FBXL17: variants seen among roughly 807,000 people sequenced by gnomAD.
FBXL17 encodes F-box/LRR-repeat protein 17.
Under a neutral mutation model 66.2 loss-of-function variants are expected in FBXL17, and 22 were observed. That is an observed-to-expected ratio of 0.33 (90% CI 0.24 to 0.47). The LOEUF (loss-of-function observed/expected upper bound fraction) is 0.47, where lower values mean the gene tolerates loss of function less well. Among genes scored for constraint, FBXL17 ranks in the 20% least tolerant of loss-of-function variants. FBXL17 has a pLI of 1.00. For missense variants in FBXL17, 878 were observed against 948.2 expected (o/e 0.93, Z 0.97); for synonymous variants, 474 against 400.5 (o/e 1.18, Z -2.19).
intron 6 of FBXL17, among the ~76,000 whole-genome samples, chr5:108,149,145 A>C (rs1383601449): frequency 3.3e-5 from 5 of 152,224 alleles, no homozygotes; most frequent in Non-Finnish European, 7.3e-5. Flanking sequence ...TGTCTCTTGT[A>C]GGATGACAAT....
intron 7 of FBXL17, chr5:108,020,711 T>G (rs1754563560): frequency 4.6e-6 from 2 of 431,960 alleles, no homozygotes; most frequent in Non-Finnish European, 8.4e-6. Context: ...CATGTGTGTG[T>G]GATTGCATGT....
At chr5:108,132,297 G>A (rs1750967709) in intron 6 of FBXL17, among the ~76,000 whole-genome samples, 1 of 152,054 alleles carries the variant, frequency 6.6e-6, no homozygotes, top group Admixed American at 6.6e-5. Context: ...TTTAAGAAAT[G>A]CAAAAGTGTG....
chr5:108,325,616 T>C (rs1354675070), intron 4 of FBXL17, among the ~76,000 whole-genome samples: 3 of 152,130 alleles, frequency 2.0e-5, no homozygotes, highest in Non-Finnish European at 2.9e-5. Context: ...CCATCTATAA[T>C]AGAGCTTAAA....
intron 5 of FBXL17, among the ~76,000 whole-genome samples, chr5:108,203,387 C>T (rs1047459763): frequency 2.6e-5 from 4 of 151,908 alleles, no homozygotes; most frequent in Non-Finnish European, 5.9e-5. Context: ...GCGTTGCTGG[C>T]CTTGGCAAAC....
intron 6 of FBXL17, among the ~76,000 whole-genome samples, chr5:108,023,374 G>C (rs567558396): frequency 3.3e-5 from 5 of 152,224 alleles, no homozygotes; most frequent in Admixed American, 3.3e-4. Flanking sequence ...ACACAAAATT[G>C]AGTGGTTGAA....
chr5:108,249,587 C>A (rs1362735322), intron 4 of FBXL17, among the ~76,000 whole-genome samples: 1 of 152,072 alleles, frequency 6.6e-6, no homozygotes, highest in Non-Finnish European at 1.5e-5. Context: ...AAAGGCCATA[C>A]ACTTGTATAA....
At chr5:108,309,961 T>A (rs549959631) in intron 4 of FBXL17, among the ~76,000 whole-genome samples, 1 of 152,158 alleles carries the variant, frequency 6.6e-6, no homozygotes, top group African/African-American at 2.4e-5. Flanking sequence ...TCTGTTTAAA[T>A]TATGTTAGAT....
intron 4 of FBXL17, among the ~76,000 whole-genome samples, chr5:108,329,697 C>T (rs1486484886): frequency 6.6e-6 from 1 of 152,096 alleles, no homozygotes; most frequent in African/African-American, 2.4e-5. Flanking sequence ...TATAAAATAG[C>T]TTCTTTAACT....
intron 7 of FBXL17, among the ~76,000 whole-genome samples, chr5:107,937,380 G>A (rs1378329342): frequency 6.6e-6 from 1 of 152,028 alleles, no homozygotes; most frequent in Non-Finnish European, 1.5e-5. Flanking sequence ...TTGTCCTCTG[G>A]GAAACTCCAC....
chr5:108,330,368 G>T (rs1007187542), intron 4 of FBXL17, among the ~76,000 whole-genome samples: 1 of 151,974 alleles, frequency 6.6e-6, no homozygotes, highest in African/African-American at 2.4e-5. Flanking sequence ...AAAATTATTT[G>T]ATATTGTTTT....
chr5:108,298,315 CAGAA>C, intron 4 of FBXL17: 1 of 984,444 alleles, frequency 1.0e-6, no homozygotes, highest in Non-Finnish European at 1.2e-6. Flanking sequence ...CTAAATAAAA[CAGAA>C]AGCACTGAGA....
At chr5:108,130,727 A>G (rs930885712) in intron 6 of FBXL17, among the ~76,000 whole-genome samples, 5 of 152,072 alleles carry the variant, frequency 3.3e-5, no homozygotes, top group African/African-American at 1.2e-4. Context: ...TAGACTGTCA[A>G]TTGTGTTCTA....
At chr5:108,349,768 C>A (rs1360625812) in intron 3 of FBXL17, among the ~76,000 whole-genome samples, 1 of 152,158 alleles carries the variant, frequency 6.6e-6, no homozygotes, top group South Asian at 2.1e-4. Context: ...GCCTCATATA[C>A]TACTAAATTC....
intron 4 of FBXL17, among the ~76,000 whole-genome samples, chr5:108,260,398 C>T (rs1378784078): frequency 6.6e-6 from 1 of 152,020 alleles, no homozygotes; most frequent in Non-Finnish European, 1.5e-5. Context: ...CACAGGGTAG[C>T]TATATCCAGG....
At chr5:108,298,233 T>C (rs906007400) in intron 4 of FBXL17, 2 of 983,552 alleles carry the variant, frequency 2.0e-6, no homozygotes, top group Admixed American at 6.2e-5. Flanking sequence ...TTTTTGTCTA[T>C]TTAAGTTATA....
At chr5:108,368,043 G>T (rs113788308) in intron 1 of FBXL17, 90 bp from the exon 2 acceptor site, 1 of 1,269,530 alleles carries the variant, frequency 7.9e-7, no homozygotes, top group Non-Finnish European at 1.1e-6. Flanking sequence ...AGTTAACTTT[G>T]TAAAAAGAAA....
At chr5:108,234,025 C>T (rs1260878560) in intron 4 of FBXL17, among the ~76,000 whole-genome samples, 3 of 152,030 alleles carry the variant, frequency 2.0e-5, no homozygotes, top group Non-Finnish European at 4.4e-5. Flanking sequence ...TAGAAAAATG[C>T]AGAGTTGGGG....
Position 108,005,190 on chromosome 5 carries a change from G to A in FBXL17, c.1822+15735C>T, listed in dbSNP as rs569495299. 3.1e-3 allele frequency among the ~76,000 whole-genome samples: 475 copies of A among 151,596 alleles called. 1 individual carries two copies. Among genetic ancestry groups the A allele is most frequent in the African/African-American group, 9.6e-3 (397 of 41,164 alleles). ...TGATTTTGCTGCCTCGTATTAGCTAGGTTTTTCTCCCTCATGCAAAAATAA... is the reference window on the plus strand; with the variant it reads ...TGATTTTGCTGCCTCGTATTAGCTAAGTTTTTCTCCCTCATGCAAAAATAA... On this transcript the variant is annotated intron_variant, in intron 7 of 8. Transcript: ENST00000542267.
At chr5:108,168,597 C>T (rs1025833199) in intron 6 of FBXL17, among the ~76,000 whole-genome samples, 2 of 152,110 alleles carry the variant, frequency 1.3e-5, no homozygotes, top group African/African-American at 2.4e-5. Context: ...AGGCAGTTTG[C>T]TCTATCTAAA....
Sources: gnomAD v4.1 joint callset for allele counts (sites outside exome capture counted in the v4.1 genomes callset) on GRCh38, gnomAD v4.1.1 for gene constraint, MANE v1.5 for transcripts, NCBI Gene and HGNC (gene_info 2026-07-23, HGNC 2026-07-21) for gene names.